The following KIF3C variants were observed in gnomAD, a reference collection of about 807,000 sequenced individuals.
KIF3C encodes the protein kinesin-like protein KIF3C.
Under a neutral mutation model 67.7 loss-of-function variants are expected in KIF3C, and 12 were observed. The observed-to-expected ratio is 0.18, with a 90% CI of 0.11 to 0.29. The LOEUF is 0.29. Ranked by LOEUF, KIF3C falls within the 10% of genes least tolerant of loss-of-function variation. KIF3C has a pLI of 1.00. For missense variants in KIF3C, 789 were observed against 1,059.6 expected (o/e 0.74, Z 3.55); for synonymous variants, 393 against 426.2 (o/e 0.92, Z 0.96).
chr2:25,936,798 G>T (rs1164942997), intron 5 of KIF3C, among the ~76,000 whole-genome samples: 1 of 152,106 alleles, frequency 6.6e-6, no homozygotes, highest in African/African-American at 2.4e-5. Flanking sequence ...TCAGCAATTT[G>T]GTGAGTGTGA....
chr2:25,946,848 A>C (rs1247991806), intron 5 of KIF3C, among the ~76,000 whole-genome samples: 1 of 149,944 alleles, frequency 6.7e-6, no homozygotes, highest in Non-Finnish European at 1.5e-5. Flanking sequence ...GCGAGACTCC[A>C]TCTCAAAAAA....
At chr2:25,963,022 TATATA>T (rs1237266577) in intron 1 of KIF3C, among the ~76,000 whole-genome samples, 815 of 60,424 alleles carry the variant, frequency 0.013, 46 homozygotes, top group African/African-American at 0.039. Context: ...ATATATATAA[TATATA>T]ATATATAATA....
chr2:25,929,279 C>T, intron 7 of KIF3C, 26 bp downstream of exon 7: 1 of 1,606,542 alleles, frequency 6.2e-7, no homozygotes, highest in Non-Finnish European at 8.5e-7. Context: ...GGGTCCAGTG[C>T]TGCCTGGGAC....
intron 5 of KIF3C, among the ~76,000 whole-genome samples, chr2:25,932,437 C>G (rs1044899648): frequency 6.6e-6 from 1 of 151,742 alleles, no homozygotes. Flanking sequence ...CTCCACCCAG[C>G]CTATTTTTCT....
At chr2:25,941,991 G>A (rs1375916431) in intron 5 of KIF3C, among the ~76,000 whole-genome samples, 1 of 150,482 alleles carries the variant, frequency 6.6e-6, no homozygotes. Context: ...GAGCCAAGAT[G>A]ATGCCATTGC....
At position 25,981,285 on chromosome 2, in the gene KIF3C, C is replaced by G; in HGVS notation, c.633G>C (p.Glu211Asp). Residue 211 changes from glutamate (E) to aspartate (D), a missense_variant, in exon 1 of 8, where the codon GAG becomes GAC. This residue lies in a region of KIF3C where 648 missense variants were observed against 807.8 expected (regional missense o/e 0.80). Transcript: ENST00000264712. The surrounding 1 kb of genome is among the most constrained non-coding windows in gnomAD (Gnocchi z 8.2). ...AGATGGCATGGGAGCGGGAGCTGAC[C>G]TCATTCATGTGGGTGCTGCCCACAG... ...TRAVGSTHMN[E>D]VSSRSHAIFI... is the part of the protein sequence containing the mutation. The G allele has an allele frequency of 6.2e-7, 1 of 1,613,948 alleles. No individual in the cohort carries two copies. Among genetic ancestry groups the G allele is most frequent in the Non-Finnish European group, 8.5e-7 (1 of 1,179,972 alleles).
At chr2:25,952,524 T>C (rs1481847080) in intron 4 of KIF3C, among the ~76,000 whole-genome samples, 3 of 77,454 alleles carry the variant, frequency 3.9e-5, no homozygotes, top group African/African-American at 2.5e-4. Context: ...ATTGTATATA[T>C]ATGTGTGTGT....
At chr2:25,963,057 A>G (rs1256687184) in intron 1 of KIF3C, among the ~76,000 whole-genome samples, 2 of 85,848 alleles carry the variant, frequency 2.3e-5, no homozygotes, top group African/African-American at 4.6e-5. Context: ...TAAATATATA[A>G]ATATATATAC....
intron 5 of KIF3C, among the ~76,000 whole-genome samples, chr2:25,949,425 A>G (rs1663538892): frequency 6.6e-6 from 1 of 151,928 alleles, no homozygotes; most frequent in South Asian, 2.1e-4. Context: ...AATACCAAAA[A>G]AAAAGAAAAA....
intron 1 of KIF3C, among the ~76,000 whole-genome samples, chr2:25,979,281 C>T (rs1453798324): frequency 1.3e-5 from 2 of 151,990 alleles, no homozygotes; most frequent in African/African-American, 2.4e-5. Context: ...TGTAGTTAGC[C>T]CCATTAGAGC....
At chr2:25,952,559 ATATATTT>A (rs1449308668) in intron 4 of KIF3C, among the ~76,000 whole-genome samples, 105 of 121,062 alleles carry the variant, frequency 8.7e-4, no homozygotes, top group African/African-American at 2.9e-3. Context: ...GTATATATAT[ATATATTT>A]TTTTTTTTTT....
intron 5 of KIF3C, among the ~76,000 whole-genome samples, chr2:25,944,038 T>C (rs1663362161): frequency 6.6e-6 from 1 of 151,786 alleles, no homozygotes; most frequent in African/African-American, 2.4e-5. Flanking sequence ...GATTACCTGA[T>C]ATTTCTTTCT....
intron 5 of KIF3C, among the ~76,000 whole-genome samples, chr2:25,943,571 C>T (rs1017178693): frequency 8.5e-5 from 13 of 152,140 alleles, no homozygotes; most frequent in Admixed American, 7.2e-4. Flanking sequence ...TGGCCGGGCA[C>T]GGTGGCTCAC....
chr2:25,975,091 GC>G (rs1664378852), intron 1 of KIF3C, among the ~76,000 whole-genome samples: 1 of 150,958 alleles, frequency 6.6e-6, no homozygotes, highest in Admixed American at 6.6e-5. Flanking sequence ...AACTCCACTG[GC>G]CCAACTCCAG....
intron 4 of KIF3C, among the ~76,000 whole-genome samples, chr2:25,953,400 G>A (rs1378593179): frequency 4.7e-5 from 7 of 149,688 alleles, no homozygotes; most frequent in Admixed American, 6.7e-5. Flanking sequence ...TTGCTCTGTC[G>A]CCCAGGCTGG....
At chr2:25,929,183 C>T in intron 7 of KIF3C, 112 bp from the exon 8 acceptor site, 1 of 1,388,190 alleles carries the variant, frequency 7.2e-7, no homozygotes, top group Non-Finnish European at 1.0e-6. Flanking sequence ...TCTGACATCC[C>T]CAGTCACCCC....
At chr2:25,937,044 CA>C (rs1330327971) in intron 5 of KIF3C, among the ~76,000 whole-genome samples, 1 of 152,200 alleles carries the variant, frequency 6.6e-6, no homozygotes, top group Non-Finnish European at 1.5e-5. Flanking sequence ...TGAGATTAAA[CA>C]AGACAAGCAC....
chr2:25,951,719 C>A (rs756916631), intron 5 of KIF3C, 70 bp downstream of exon 5: 32 of 1,000,470 alleles, frequency 3.2e-5, no homozygotes, highest in Non-Finnish European at 5.0e-5. Context: ...AGGCCTCAGG[C>A]CCCTCACCAG....
intron 1 of KIF3C, among the ~76,000 whole-genome samples, chr2:25,964,490 G>A (rs994177396): frequency 6.6e-6 from 1 of 151,842 alleles, no homozygotes; most frequent in Non-Finnish European, 1.5e-5. Context: ...CATTAGAGAC[G>A]GGGTCTTGCT....
Sources: gnomAD v4.1 joint callset for allele counts (sites outside exome capture counted in the v4.1 genomes callset) on GRCh38, gnomAD v4.1.1 for gene constraint, gnomAD v4.1.1 regional missense constraint, Gnocchi (gnomAD v3.1) non-coding constraint, MANE v1.5 for transcripts, NCBI Gene and HGNC (gene_info 2026-07-23, HGNC 2026-07-21) for gene names.